The following RFT1 variants were observed in gnomAD, a reference collection of about 807,000 sequenced individuals.
The protein encoded by RFT1 is man(5)GlcNAc(2)-PP-dolichol translocation protein RFT1.
Under a neutral mutation model 62.2 loss-of-function variants are expected in RFT1, and 43 were observed. The ratio of observed to expected loss-of-function variants is 0.69; its 90% CI spans 0.54 to 0.89. The LOEUF is 0.89. Ranked by LOEUF, RFT1 falls within the 40% of genes least tolerant of loss-of-function variation. The pLI is 0.00. For synonymous variants in RFT1, 262 were observed against 264.6 expected (o/e 0.99, Z 0.10); for missense variants, 605 against 649.9 (o/e 0.93, Z 0.75).
chr3:53,117,609 C>T (rs1293355598), intron 6 of RFT1, among the ~76,000 whole-genome samples: 1 of 152,184 alleles, frequency 6.6e-6, no homozygotes, highest in East Asian at 1.9e-4. Context: ...ACTTTCAGAG[C>T]ATATTGCCAG....
chr3:53,091,858 C>A lies in RFT1; in HGVS notation c.*45G>T. On this transcript the variant is annotated 3_prime_UTR_variant, in exon 13 of 13. Transcript: ENST00000296292. Reference sequence around the variant, plus strand: ...AGAATGTGTTCCACCCACAGAACTACCCATAGCTGGTCCAGGTGCCTCGGG... The same window carrying A: ...AGAATGTGTTCCACCCACAGAACTAACCATAGCTGGTCCAGGTGCCTCGGG... 1 of 1,602,292 alleles carries A rather than the reference C, an allele frequency of 6.2e-7. No homozygotes were observed. Among genetic ancestry groups the A allele is most frequent in the East Asian group, 2.2e-5 (1 of 44,810 alleles).
chr3:53,123,619 C>T, intron 3 of RFT1, 105 bp downstream of exon 3: 1 of 901,750 alleles, frequency 1.1e-6, no homozygotes, highest in Non-Finnish European at 1.8e-6. Context: ...CATGACGAAA[C>T]TGAATCTGGG....
At position 53,090,399 on chromosome 3, in the gene RFT1, C is replaced by T. The variant is rs1420326594; in HGVS notation, c.*1504G>A. The T allele has an allele frequency of 1.3e-5, 2 of 152,598 alleles. No homozygotes were observed. The highest frequency in any genetic ancestry group is 3.8e-4 in the East Asian group (2 of 5,200). 9.5% of individuals were successfully genotyped at this position (152,598 alleles called of 1,614,324 possible). A position where few individuals can be genotyped will look rare whatever the true frequency, so the allele number is the denominator to read the frequency against. On this transcript the variant is annotated 3_prime_UTR_variant, in exon 13 of 13. Coordinates refer to ENST00000296292, the MANE Select transcript of RFT1 (RefSeq NM_052859.4). ...TTTTCTGAGCTGGCCTGACCTTGCC[C>T]GATGAAGGCATGACTGAGGCCATGC...
At chr3:53,115,259 A>T (rs1275831759) in intron 6 of RFT1, among the ~76,000 whole-genome samples, 1 of 152,154 alleles carries the variant, frequency 6.6e-6, no homozygotes, top group Non-Finnish European at 1.5e-5. Flanking sequence ...GCCGTGAACA[A>T]GATACTTAAT....
At chr3:53,094,375 ACACACACACACTCT>A (rs1401675600) in intron 11 of RFT1, among the ~76,000 whole-genome samples, 1 of 151,208 alleles carries the variant, frequency 6.6e-6, no homozygotes, top group Non-Finnish European at 1.5e-5. Flanking sequence ...ACACACACAC[ACACACACACACTCT>A]CACACACAAT....
Position 53,123,697 on chromosome 3 carries a change from C to T in RFT1, c.266+27G>A, listed in dbSNP as rs370990354. The T allele has an allele frequency of 1.9e-5, 30 of 1,557,452 alleles. No homozygotes were observed. The African/African-American group carries it at 2.7e-4, about 14-fold the overall frequency. Reference sequence around the variant, plus strand: ...GCTCACTACACCTGCCTTCCTGAAACGTGTCTCCTGCCAAAGCACAACTCA... The same window carrying T: ...GCTCACTACACCTGCCTTCCTGAAATGTGTCTCCTGCCAAAGCACAACTCA... On this transcript the variant is annotated intron_variant, in intron 3 of 12. Coordinates refer to ENST00000296292, the MANE Select transcript of RFT1 (RefSeq NM_052859.4).
the RFT1 span, among the ~76,000 whole-genome samples, chr3:53,082,037 G>A: frequency 2.0e-5 from 3 of 152,048 alleles, no homozygotes; most frequent in Non-Finnish European, 4.4e-5. Context: ...TCGACTTCCC[G>A]GGCTCCAGTG....
At chr3:53,075,713 T>C in the RFT1 span, among the ~76,000 whole-genome samples, 1 of 152,182 alleles carries the variant, frequency 6.6e-6, no homozygotes, top group East Asian at 1.9e-4. Context: ...ATCTTAACCT[T>C]CATGCATTCC....
At chr3:53,129,937 A>T (rs9830353) in intron 1 of RFT1, among the ~76,000 whole-genome samples, 39,648 of 151,886 alleles carry the variant, frequency 0.26, 5,557 homozygotes, top group Middle Eastern at 0.42. Flanking sequence ...TGCCATATGG[A>T]CTCTCGGAAC....
chr3:53,098,096 G>C (rs1371222112), intron 11 of RFT1, among the ~76,000 whole-genome samples: 3 of 152,332 alleles, frequency 2.0e-5, no homozygotes, highest in African/African-American at 7.2e-5. Flanking sequence ...TCATGTCTCA[G>C]TCACACACAC....
the RFT1 span, among the ~76,000 whole-genome samples, chr3:53,077,418 G>T: frequency 6.6e-6 from 1 of 152,220 alleles, no homozygotes; most frequent in Non-Finnish European, 1.5e-5. Context: ...AGCATAAGGG[G>T]CTGCACCCCA....
chr3:53,098,438 C>G lies in RFT1; in HGVS notation c.1208+943G>C, dbSNP rs1222499509. Among the ~76,000 whole-genome samples the G allele has an allele frequency of 6.6e-5, 10 of 152,272 alleles. No homozygotes were observed. The South Asian group carries it at 1.9e-3, about 28-fold the overall frequency. On this transcript the variant is annotated intron_variant, in intron 11 of 12. Coordinates refer to ENST00000296292, the MANE Select transcript of RFT1 (RefSeq NM_052859.4). Reference sequence around the variant, plus strand: ...GAAGGGTCCCCATTTGAGACACTCCCTCCCCATCCCACCCCATGGCCAGGC... The same window carrying G: ...GAAGGGTCCCCATTTGAGACACTCCGTCCCCATCCCACCCCATGGCCAGGC...
intron 7 of RFT1, among the ~76,000 whole-genome samples, chr3:53,110,422 G>A (rs1345272347): frequency 6.6e-6 from 1 of 152,216 alleles, no homozygotes; most frequent in Admixed American, 6.5e-5. Context: ...TAAGTGCTCA[G>A]GCCCTTCACT....
At chr3:53,111,787 T>A in intron 7 of RFT1, 43 bp downstream of exon 7, 1 of 1,525,600 alleles carries the variant, frequency 6.6e-7, no homozygotes, top group Admixed American at 1.7e-5. Flanking sequence ...GAAATCCCCT[T>A]CTACTATGGT....
chr3:53,128,030 G>T (rs1469252918), intron 1 of RFT1, among the ~76,000 whole-genome samples: 1 of 151,976 alleles, frequency 6.6e-6, no homozygotes, highest in Non-Finnish European at 1.5e-5. Flanking sequence ...GAGCGCGGTA[G>T]CTCACACCTG....
At chr3:53,104,232 T>C in intron 9 of RFT1, 135 bp from the exon 10 acceptor site, 1 of 911,982 alleles carries the variant, frequency 1.1e-6, no homozygotes. Flanking sequence ...CACTATTTTT[T>C]TGTAGTGTGT....
downstream of RFT1, among the ~76,000 whole-genome samples, chr3:53,087,597 T>C (rs1227763546): frequency 3.9e-5 from 6 of 152,126 alleles, no homozygotes; most frequent in Admixed American, 6.5e-5. Context: ...AACATGCTCA[T>C]TGCAGCCTTG....
chr3:53,079,324 T>C, the RFT1 span, among the ~76,000 whole-genome samples: 1 of 152,166 alleles, frequency 6.6e-6, no homozygotes, highest in Non-Finnish European at 1.5e-5. Flanking sequence ...CCTCACACCT[T>C]CCCCAAGGAT....
At chr3:53,080,144 A>C in the RFT1 span, among the ~76,000 whole-genome samples, 1 of 152,218 alleles carries the variant, frequency 6.6e-6, no homozygotes, top group Non-Finnish European at 1.5e-5. Context: ...TTCTGTCTTA[A>C]TCTAAGGCTG....
Sources: allele counts gnomAD v4.1 joint callset (sites outside exome capture counted in the v4.1 genomes callset), GRCh38; gene constraint gnomAD v4.1.1; transcripts MANE v1.5; gene names NCBI Gene and HGNC (gene_info 2026-07-23, HGNC 2026-07-21).